PCGF5: variants seen among roughly 807,000 people sequenced by gnomAD.
PCGF5 encodes the protein polycomb group ring finger 5, also known as polycomb group RING finger protein 5.
A neutral mutation model predicts 44.3 loss-of-function variants in PCGF5; 9 were observed. That is an observed-to-expected ratio of 0.20 (90% CI 0.12 to 0.35). The LOEUF is 0.35. Among genes scored for constraint, PCGF5 ranks in the 10% least tolerant of loss-of-function variants. The pLI, the probability that PCGF5 is intolerant of heterozygous loss-of-function variation, is 1.00. For synonymous variants in PCGF5, 95 were observed against 102.5 expected (o/e 0.93, Z 0.44); for missense variants, 146 against 305.3 (o/e 0.48, Z 3.89).
At chr10:91,276,998 CAAGT>C (rs963434699) in intron 9 of PCGF5, among the ~76,000 whole-genome samples, 1 of 152,166 alleles carries the variant, frequency 6.6e-6, no homozygotes, top group Admixed American at 6.5e-5. Flanking sequence ...AAAATAAAAA[CAAGT>C]AAAACCAGAA....
intron 1 of PCGF5, among the ~76,000 whole-genome samples, chr10:91,165,624 A>G (rs1167760684): frequency 1.3e-5 from 2 of 152,238 alleles, no homozygotes; most frequent in East Asian, 3.8e-4. Flanking sequence ...AATCAAATGA[A>G]AACAGGATTT....
chr10:91,159,032 G>A (rs1252819612), upstream of PCGF5, among the ~76,000 whole-genome samples: 5 of 152,192 alleles, frequency 3.3e-5, no homozygotes, highest in African/African-American at 1.2e-4. Flanking sequence ...GCAGGAAGCA[G>A]GAAGCAGGAA....
At chr10:91,201,169 G>A (rs1055950774) in intron 1 of PCGF5, among the ~76,000 whole-genome samples, 3 of 152,146 alleles carry the variant, frequency 2.0e-5, no homozygotes, top group Non-Finnish European at 4.4e-5. Flanking sequence ...ATTTATAAAG[G>A]AAAGAAATGT....
chr10:91,179,696 T>A (rs1564626384), intron 1 of PCGF5, among the ~76,000 whole-genome samples: 2 of 152,246 alleles, frequency 1.3e-5, no homozygotes, highest in Admixed American at 6.5e-5. Flanking sequence ...TTCTTATGGC[T>A]GCATAGTATT....
At chr10:91,158,161 C>T (rs61857948), upstream of PCGF5, among the ~76,000 whole-genome samples, 95 of 152,240 alleles carry the variant, frequency 6.2e-4, no homozygotes, top group Non-Finnish European at 1.2e-3. Flanking sequence ...CAATGAAAGT[C>T]AAGTAGACTT....
chr10:91,203,015 A>G (rs1014110213), intron 1 of PCGF5, among the ~76,000 whole-genome samples: 30 of 152,322 alleles, frequency 2.0e-4, no homozygotes, highest in Middle Eastern at 3.4e-3. Flanking sequence ...AACATGATTT[A>G]AAAAAGCAAG....
At chr10:91,260,482 A>G (rs1845870982) in intron 6 of PCGF5, among the ~76,000 whole-genome samples, 1 of 152,182 alleles carries the variant, frequency 6.6e-6, no homozygotes, top group Non-Finnish European at 1.5e-5. Context: ...AGGATTATAA[A>G]TCATGCTGCT....
intron 3 of PCGF5, among the ~76,000 whole-genome samples, chr10:91,242,282 A>G (rs1845348133): frequency 6.6e-6 from 1 of 151,686 alleles, no homozygotes. Context: ...GTACTGCAGT[A>G]AGGAAACTGA....
rs1846477704 is a variant in PCGF5, at chr10:91,282,474, T to C, written c.*4158T>C. ...ACTCCAGCCTGGGTGACACAGCGAGTCTCCATCTCCAAAAAAAATTCAACT... is the reference window on the plus strand; with the variant it reads ...ACTCCAGCCTGGGTGACACAGCGAGCCTCCATCTCCAAAAAAAATTCAACT... On this transcript the variant is annotated 3_prime_UTR_variant, in exon 10 of 10. Transcript: ENST00000336126. 6.6e-6 allele frequency: 1 copy of C among 152,488 alleles called. No individual in the cohort carries two copies. Among genetic ancestry groups the C allele is most frequent in the Non-Finnish European group, 1.5e-5 (1 of 68,026 alleles). 9.4% of individuals were successfully genotyped at this position (152,488 alleles called of 1,614,324 possible).
intron 2 of PCGF5, among the ~76,000 whole-genome samples, chr10:91,234,168 G>T (rs1451065313): frequency 6.6e-6 from 1 of 152,132 alleles, no homozygotes; most frequent in African/African-American, 2.4e-5. Context: ...TAGGAAATAG[G>T]ATAGCTCTAT....
At chr10:91,169,098 T>C (rs1843558030) in intron 1 of PCGF5, among the ~76,000 whole-genome samples, 1 of 152,228 alleles carries the variant, frequency 6.6e-6, no homozygotes, top group South Asian at 2.1e-4. Context: ...AGGGTAACCA[T>C]ACATGCAATT....
At chr10:91,242,563 G>A (rs55837500) in intron 3 of PCGF5, among the ~76,000 whole-genome samples, 4,228 of 151,944 alleles carry the variant, frequency 0.028, 185 homozygotes, top group African/African-American at 0.097. Context: ...AATCAAACCC[G>A]CTCCCTTGGC....
At chr10:91,181,697 C>T (rs1292332983) in intron 1 of PCGF5, among the ~76,000 whole-genome samples, 2 of 152,168 alleles carry the variant, frequency 1.3e-5, no homozygotes, top group African/African-American at 2.4e-5. Flanking sequence ...TTGAACCAAC[C>T]TTGCATCCCG....
rs75234316 is a variant in PCGF5, at chr10:91,264,109, A to G, written c.574-322A>G. Among the ~76,000 whole-genome samples, 415 of 152,282 alleles carry G rather than the reference A, an allele frequency of 2.7e-3. 3 individuals are homozygous for G. Among genetic ancestry groups the G allele is most frequent in the African/African-American group, 9.5e-3 (393 of 41,548 alleles). On this transcript the variant is annotated intron_variant, in intron 7 of 9. Coordinates refer to ENST00000336126, the MANE Select transcript of PCGF5 (RefSeq NM_032373.5). ...TTCAGAAAGGGGCAGTCACAGAACT[A>G]TGCCTTAAACCTCTAAGAGACATGA...
intron 9 of PCGF5, among the ~76,000 whole-genome samples, chr10:91,272,099 A>G (rs1846193456): frequency 6.6e-6 from 1 of 152,244 alleles, no homozygotes; most frequent in Non-Finnish European, 1.5e-5. Context: ...GCAACAGCTG[A>G]TTCTAATTAT....
At chr10:91,260,523 T>C (rs556407590) in intron 6 of PCGF5, among the ~76,000 whole-genome samples, 11 of 152,112 alleles carry the variant, frequency 7.2e-5, no homozygotes, top group Middle Eastern at 3.4e-3. Context: ...ATGTTTATTG[T>C]GGCACTATTC....
At chr10:91,238,810 A>G (rs1016642798) in intron 2 of PCGF5, among the ~76,000 whole-genome samples, 1 of 151,898 alleles carries the variant, frequency 6.6e-6, no homozygotes, top group Non-Finnish European at 1.5e-5. Flanking sequence ...TTTTGGGGAC[A>G]AGAAATTTGG....
intron 1 of PCGF5, among the ~76,000 whole-genome samples, chr10:91,203,193 G>A (rs1844284728): frequency 6.6e-6 from 1 of 152,170 alleles, no homozygotes; most frequent in Non-Finnish European, 1.5e-5. Context: ...GCAGGGCTTT[G>A]TATAGCCAAG....
At chr10:91,225,008 T>C (rs571491016) in intron 2 of PCGF5, among the ~76,000 whole-genome samples, 2 of 152,152 alleles carry the variant, frequency 1.3e-5, no homozygotes, top group South Asian at 4.1e-4. Context: ...AACTGTCAAC[T>C]CTGGATGATG....
Sources: allele counts gnomAD v4.1 joint callset (sites outside exome capture counted in the v4.1 genomes callset), GRCh38; gene constraint gnomAD v4.1.1; transcripts MANE v1.5; gene names NCBI Gene and HGNC (gene_info 2026-07-23, HGNC 2026-07-21).